Variants in ATP9B observed in about 807,000 individuals in gnomAD.
ATP9B encodes ATPase phospholipid transporting 9B.
Under a neutral mutation model 146.1 loss-of-function variants are expected in ATP9B, and 110 were observed. That is an observed-to-expected ratio of 0.75 (90% CI 0.65 to 0.88). The LOEUF is 0.88. ATP9B is among the 40% of genes least tolerant of loss of function. The pLI is 0.00. For missense variants in ATP9B, 1,499 were observed against 1,496.4 expected (o/e 1.00, Z -0.03); for synonymous variants, 604 against 569.7 (o/e 1.06, Z -0.86).
rs1166932114 is a variant in ATP9B, at chr18:79,204,679, T to TA, written c.955-2257dup. 2.0e-5 allele frequency among the ~76,000 whole-genome samples: 3 copies of TA among 152,218 alleles called. No individual in the cohort carries two copies. The East Asian group carries it at 5.8e-4, about 29-fold the overall frequency. On this transcript the variant is annotated intron_variant, in intron 9 of 29. Transcript: ENST00000426216. ...GACTGTAGAGTTAAAGGTATTTGTG[T>TA]ATCTGCAGAAATAGTAATTGGTCCA...
At chr18:79,071,899 T>A (rs1200314344) in intron 1 of ATP9B, among the ~76,000 whole-genome samples, 5 of 150,790 alleles carry the variant, frequency 3.3e-5, no homozygotes, top group Admixed American at 2.6e-4. Flanking sequence ...GTTTTTTTTT[T>A]TTTTTTTGGT....
chr18:79,125,861 T>C (rs1042313716), intron 4 of ATP9B, among the ~76,000 whole-genome samples: 3 of 152,236 alleles, frequency 2.0e-5, no homozygotes, highest in Non-Finnish European at 4.4e-5. Context: ...TAAATACTTT[T>C]ATTCTGTAAG....
intron 9 of ATP9B, among the ~76,000 whole-genome samples, chr18:79,201,244 G>A (rs967068354): frequency 6.6e-6 from 1 of 150,512 alleles, no homozygotes; most frequent in Non-Finnish European, 1.5e-5. Context: ...TTTGATGATA[G>A]TTCTTGATTT....
At position 79,220,542 on chromosome 18, in the gene ATP9B, A is replaced by G. The variant is rs921119883; in HGVS notation, c.1107+6504A>G. ...CCTGAGCCTAGGAGTTTGAGGCTAC[A>G]CTGAGCCATGATTGCACCACTGCAC... On this transcript the variant is annotated intron_variant, in intron 11 of 29. Transcript: ENST00000426216. 1.3e-4 allele frequency among the ~76,000 whole-genome samples: 20 copies of G among 152,144 alleles called. 1 individual carries two copies. Among genetic ancestry groups the G allele is most frequent in the Non-Finnish European group, 2.9e-5 (2 of 68,018 alleles).
At chr18:79,303,823 G>A in intron 14 of ATP9B, 107 bp downstream of exon 14, 1 of 670,468 alleles carries the variant, frequency 1.5e-6, no homozygotes, top group Non-Finnish European at 2.5e-6. Context: ...CTTCTTGGTG[G>A]TCTTAACATC....
intron 13 of ATP9B, among the ~76,000 whole-genome samples, chr18:79,294,889 G>A: frequency 6.6e-6 from 1 of 152,106 alleles, no homozygotes; most frequent in Non-Finnish European, 1.5e-5. Context: ...ATGGCCACAG[G>A]GCTTTCAGGA....
intron 1 of ATP9B, among the ~76,000 whole-genome samples, chr18:79,091,204 G>A (rs2074291468): frequency 6.6e-6 from 1 of 152,190 alleles, no homozygotes; most frequent in African/African-American, 2.4e-5. Context: ...ATAATTTGAA[G>A]TTAGGTAATG....
chr18:79,199,498 A>T (rs2095446298), intron 9 of ATP9B, among the ~76,000 whole-genome samples: 1 of 151,942 alleles, frequency 6.6e-6, no homozygotes, highest in African/African-American at 2.4e-5. Context: ...GTGGTGGCTC[A>T]CGCCTGTAAT....
At chr18:79,156,976 T>C (rs1004825063) in intron 7 of ATP9B, among the ~76,000 whole-genome samples, 3 of 152,140 alleles carry the variant, frequency 2.0e-5, no homozygotes, top group African/African-American at 7.2e-5. Context: ...CCAGAATACA[T>C]AACCTTTGAT....
chr18:79,377,599 G>T lies in ATP9B; in HGVS notation c.*216G>T. 1.6e-6 allele frequency: 1 copy of T among 620,664 alleles called. No individual in the cohort carries two copies. 38.4% of individuals were successfully genotyped at this position (620,664 alleles called of 1,614,324 possible). A position where few individuals can be genotyped will look rare whatever the true frequency, so the allele number is the denominator to read the frequency against. On this transcript the variant is annotated 3_prime_UTR_variant, in exon 30 of 30. Coordinates refer to ENST00000426216, the MANE Select transcript of ATP9B (RefSeq NM_198531.5). The stretch of plus-strand genomic sequence containing the variant: ...TGCCAGGCAAGCCCAGGGCACAGAT[G>T]CCAGGATGGCTTCTCCCTCTCAGTG...
intron 9 of ATP9B, among the ~76,000 whole-genome samples, chr18:79,205,742 A>G (rs1249875840): frequency 2.0e-5 from 3 of 152,030 alleles, no homozygotes; most frequent in African/African-American, 7.3e-5. Flanking sequence ...TTACATTAAG[A>G]TGAAAAATTC....
intron 11 of ATP9B, among the ~76,000 whole-genome samples, chr18:79,248,981 A>G (rs2095996532): frequency 6.6e-6 from 1 of 152,064 alleles, no homozygotes; most frequent in Non-Finnish European, 1.5e-5. Flanking sequence ...ATTGCTTAGG[A>G]ACTTAGTAGT....
chr18:79,166,961 A>G (rs1353609822), intron 7 of ATP9B, among the ~76,000 whole-genome samples: 2 of 150,990 alleles, frequency 1.3e-5, no homozygotes, highest in Non-Finnish European at 3.0e-5. Flanking sequence ...GTGGCAGGGC[A>G]GGCAGCTCCA....
At chr18:79,237,691 G>GTTTT (rs1568467207) in intron 11 of ATP9B, among the ~76,000 whole-genome samples, 2 of 109,708 alleles carry the variant, frequency 1.8e-5, no homozygotes, top group African/African-American at 6.0e-5. Context: ...TTTTTTTTTG[G>GTTTT]GGGGGGGTGG....
At chr18:79,361,108 G>T (rs2096985492) in intron 26 of ATP9B, 1 of 152,246 alleles carries the variant, frequency 6.6e-6, no homozygotes, top group Admixed American at 6.5e-5. Flanking sequence ...AAGCAGGGCA[G>T]AGGTCACCAG....
At chr18:79,151,822 A>G (rs533945113) in intron 6 of ATP9B, among the ~76,000 whole-genome samples, 3 of 151,774 alleles carry the variant, frequency 2.0e-5, no homozygotes, top group African/African-American at 7.3e-5. Flanking sequence ...TGCTGCACCC[A>G]TCAACCCGTC....
chr18:79,170,010 G>T (rs1228086245), intron 7 of ATP9B, among the ~76,000 whole-genome samples: 1 of 152,234 alleles, frequency 6.6e-6, no homozygotes, highest in African/African-American at 2.4e-5. Flanking sequence ...CTGTTACTGT[G>T]TAAGACCCTT....
At chr18:79,345,199 A>G (rs1218252305) in intron 21 of ATP9B, among the ~76,000 whole-genome samples, 1 of 152,200 alleles carries the variant, frequency 6.6e-6, no homozygotes, top group East Asian at 1.9e-4. Flanking sequence ...AAGTGGAAGA[A>G]CTTCCCTAGG....
At chr18:79,311,807 T>A (rs565836625) in intron 15 of ATP9B, among the ~76,000 whole-genome samples, 9 of 152,282 alleles carry the variant, frequency 5.9e-5, no homozygotes, top group African/African-American at 2.2e-4. Context: ...TATCTCCAGA[T>A]AAGTATCAGG....
Sources: allele counts gnomAD v4.1 joint callset (sites outside exome capture counted in the v4.1 genomes callset), GRCh38; gene constraint gnomAD v4.1.1; transcripts MANE v1.5; gene names NCBI Gene and HGNC (gene_info 2026-07-23, HGNC 2026-07-21).